MANBA: variants seen among roughly 807,000 people sequenced by gnomAD.
MANBA encodes mannosidase beta, also known as beta-mannosidase.
A neutral mutation model predicts 111.1 loss-of-function variants in MANBA; 83 were observed. That is an observed-to-expected ratio of 0.75 (90% CI 0.63 to 0.90). The LOEUF (loss-of-function observed/expected upper bound fraction) is 0.90, where lower values mean the gene tolerates loss of function less well. Ranked by LOEUF, MANBA falls within the 40% of genes least tolerant of loss-of-function variation. The pLI, the probability that MANBA is intolerant of heterozygous loss-of-function variation, is 0.00. For synonymous variants in MANBA, 370 were observed against 378.7 expected, an observed-to-expected ratio of 0.98 and a Z score of 0.27; for missense variants, 1,036 against 1,069.0, an observed-to-expected ratio of 0.97 and a Z score of 0.43.
At chr4:102,702,869 T>C (rs1205048593) in intron 5 of MANBA, among the ~76,000 whole-genome samples, 1 of 152,176 alleles carries the variant, frequency 6.6e-6, no homozygotes, top group African/African-American at 2.4e-5. Flanking sequence ...GATGACAGTA[T>C]CTCTTTCTAG....
At chr4:102,714,345 C>A (rs750914249) in intron 5 of MANBA, 93 bp downstream of exon 5, 113 of 1,246,500 alleles carry the variant, frequency 9.1e-5, no homozygotes, top group Non-Finnish European at 1.3e-4. Flanking sequence ...AATTCTAAAT[C>A]TCTGAAAAAC....
At chr4:102,697,475 T>C (rs919906297) in intron 5 of MANBA, among the ~76,000 whole-genome samples, 1 of 151,516 alleles carries the variant, frequency 6.6e-6, no homozygotes, top group Admixed American at 6.6e-5. Flanking sequence ...TCATCTATCA[T>C]TAGGTATATC....
At chr4:102,678,122 C>A (rs545173224) in intron 7 of MANBA, among the ~76,000 whole-genome samples, 1 of 152,130 alleles carries the variant, frequency 6.6e-6, no homozygotes, top group Non-Finnish European at 1.5e-5. Flanking sequence ...ATTAACTATA[C>A]AACATAACAC....
chr4:102,676,409 C>T (rs1028543917), intron 7 of MANBA, among the ~76,000 whole-genome samples: 3 of 151,954 alleles, frequency 2.0e-5, no homozygotes, highest in Non-Finnish European at 4.4e-5. Context: ...GTTATGCACC[C>T]CTGGCTGGAG....
At chr4:102,671,788 C>G in intron 8 of MANBA, 1 of 417,060 alleles carries the variant, frequency 2.4e-6, no homozygotes, top group Non-Finnish European at 4.2e-6. Context: ...CCCCTATCTC[C>G]TTTTATGCAA....
intron 5 of MANBA, among the ~76,000 whole-genome samples, chr4:102,708,864 A>G (rs1329463802): frequency 6.6e-6 from 1 of 151,798 alleles, no homozygotes; most frequent in African/African-American, 2.4e-5. Flanking sequence ...TATTATATAC[A>G]AAATATATAT....
chr4:102,720,309 C>T (rs1722512838), intron 4 of MANBA, among the ~76,000 whole-genome samples: 1 of 152,102 alleles, frequency 6.6e-6, no homozygotes, highest in African/African-American at 2.4e-5. Flanking sequence ...GTGGCAGGCG[C>T]CTGTAGTCCT....
intron 11 of MANBA, 49 bp from the exon 12 acceptor site, chr4:102,657,949 A>ATAT: frequency 7.6e-7 from 1 of 1,310,264 alleles, no homozygotes; most frequent in Non-Finnish European, 1.1e-6. Context: ...TCATCCTGTA[A>ATAT]AGTATGTATC....
intron 5 of MANBA, among the ~76,000 whole-genome samples, chr4:102,694,000 G>A (rs530876268): frequency 6.6e-6 from 1 of 152,122 alleles, no homozygotes; most frequent in African/African-American, 2.4e-5. Flanking sequence ...AACGAAGCAG[G>A]CTCCTGTGTT....
intron 7 of MANBA, among the ~76,000 whole-genome samples, chr4:102,677,502 T>A (rs1244922345): frequency 2.0e-5 from 3 of 152,170 alleles, no homozygotes; most frequent in Non-Finnish European, 2.9e-5. Flanking sequence ...CAATATCACA[T>A]AATATGGGTA....
chr4:102,633,869 T>C lies in MANBA; in HGVS notation c.2415+919A>G, dbSNP rs1729499878. Among the ~76,000 whole-genome samples, 3 of 150,902 alleles carry C rather than the reference T, an allele frequency of 2.0e-5. 1 individual carries two copies. The South Asian group carries it at 6.3e-4, about 32-fold the overall frequency. On this transcript the variant is annotated intron_variant, in intron 16 of 16. Coordinates refer to ENST00000647097, the MANE Select transcript of MANBA (RefSeq NM_005908.4). ...TACAGATAACTTGGATTTTATTATGTGACTATAGAAAGAAGGTATGTTTTC... is the reference window on the plus strand; with the variant it reads ...TACAGATAACTTGGATTTTATTATGCGACTATAGAAAGAAGGTATGTTTTC...
chr4:102,632,103 T>A lies in MANBA; in HGVS notation c.2594A>T (p.Glu865Val). ...GGTCACATGAAAAGATTGCTCCAAC[T>A]CATTCTTGCTGGTGGGCTCCCAAGG... Reference protein sequence around the residue: ...FYPWEPTSKNELEQSFHVTSL... With the variant: ...FYPWEPTSKNVLEQSFHVTSL... Residue 865 changes from glutamate (E) to valine (V), a missense_variant, in exon 17 of 17, where the codon GAG becomes GTG. Glu to Val is a moderately radical substitution (Grantham distance 121). Transcript: ENST00000647097. 12 of 1,612,388 alleles carry A rather than the reference T, an allele frequency of 7.4e-6. No homozygotes were observed. The highest frequency in any genetic ancestry group is 1.0e-5 in the Non-Finnish European group (12 of 1,179,118).
intron 5 of MANBA, among the ~76,000 whole-genome samples, chr4:102,692,243 C>A (rs1468432222): frequency 6.6e-6 from 1 of 151,848 alleles, no homozygotes; most frequent in Non-Finnish European, 1.5e-5. Flanking sequence ...CTTGGAAAAG[C>A]CAGGAACAGA....
intron 4 of MANBA, among the ~76,000 whole-genome samples, chr4:102,721,588 C>G (rs1456965942): frequency 6.6e-6 from 1 of 152,090 alleles, no homozygotes; most frequent in Non-Finnish European, 1.5e-5. Flanking sequence ...GTTATTCAGC[C>G]TTAAAATGTA....
rs186284706 is a variant in MANBA at position 102,648,315 on chromosome 4, C to T, written c.1869+2222G>A. On this transcript the variant is annotated intron_variant, in intron 13 of 16. Transcript: ENST00000647097. ...TTCATAATAGCCAAAAATTGGAATACGATATAACAAATGTCCAGCAACAGA... is the reference window on the plus strand; with the variant it reads ...TTCATAATAGCCAAAAATTGGAATATGATATAACAAATGTCCAGCAACAGA... 1.2e-4 allele frequency among the ~76,000 whole-genome samples: 18 copies of T among 151,920 alleles called. No individual in the cohort carries two copies. The South Asian group carries it at 1.7e-3, about 14-fold the overall frequency.
intron 1 of MANBA, among the ~76,000 whole-genome samples, chr4:102,747,158 G>GATATATATATATAT (rs144093849): frequency 2.1e-5 from 3 of 145,476 alleles, no homozygotes; most frequent in African/African-American, 8.0e-5. Context: ...GAACTAATGG[G>GATATATATATATAT]ATATATATAT....
chr4:102,676,723 T>A (rs1731744922), intron 7 of MANBA, among the ~76,000 whole-genome samples: 1 of 152,188 alleles, frequency 6.6e-6, no homozygotes, highest in Admixed American at 6.5e-5. Flanking sequence ...GGCAACAATA[T>A]ACAAGAGGTG....
chr4:102,690,887 G>A (rs1453966481), intron 5 of MANBA, 116 bp from the exon 6 acceptor site: 6 of 293,668 alleles, frequency 2.0e-5, no homozygotes, highest in South Asian at 2.7e-4. Context: ...AACCCAGTAT[G>A]TGCTCCACAA....
At position 102,732,004 on chromosome 4, in the gene MANBA, T is replaced by C. The variant is rs528275097; in HGVS notation, c.178-5321A>G. Reference sequence around the variant, plus strand: ...CTCACTGCAACTTCAGCCTCCCAGGTTCAAGCGATTCTCCTGCCTCAGCTT... The same window carrying C: ...CTCACTGCAACTTCAGCCTCCCAGGCTCAAGCGATTCTCCTGCCTCAGCTT... On this transcript the variant is annotated intron_variant, in intron 1 of 16. Coordinates refer to ENST00000647097, the MANE Select transcript of MANBA (RefSeq NM_005908.4). Among the ~76,000 whole-genome samples, 4 of 152,068 alleles carry C rather than the reference T, an allele frequency of 2.6e-5. No homozygotes were observed. In the East Asian group the frequency reaches 7.7e-4, roughly 29 times the overall value.
Sources: allele counts gnomAD v4.1 joint callset (sites outside exome capture counted in the v4.1 genomes callset), GRCh38; gene constraint gnomAD v4.1.1; transcripts MANE v1.5; gene names NCBI Gene and HGNC (gene_info 2026-07-23, HGNC 2026-07-21).